Variants in UNKL observed in about 807,000 individuals in gnomAD.
The protein encoded by UNKL is putative E3 ubiquitin-protein ligase UNKL.
Under a neutral mutation model 78.0 loss-of-function variants are expected in UNKL, and 60 were observed. The ratio of observed to expected loss-of-function variants is 0.77; its 90% CI spans 0.63 to 0.95. The LOEUF is 0.95. Among genes scored for constraint, UNKL ranks in the 40% least tolerant of loss-of-function variants. The pLI, the probability that UNKL is intolerant of heterozygous loss-of-function variation, is 0.00. For missense variants in UNKL, 1,159 were observed against 1,045.7 expected, an observed-to-expected ratio of 1.11 and a Z score of -1.49; for synonymous variants, 608 against 474.8, an observed-to-expected ratio of 1.28 and a Z score of -3.65.
rs1596618964 is a variant in UNKL, at chr16:1,363,548, A to G, written c.*2692T>C. The G allele has an allele frequency of 4.1e-6, 1 of 244,440 alleles. No individual in the cohort carries two copies. The highest frequency in any genetic ancestry group is 1.2e-4 in the East Asian group (1 of 8,672). The allele number at this position is 244,440 out of a possible 1,614,324, so 15.1% of individuals were successfully genotyped here. A position where few individuals can be genotyped will look rare whatever the true frequency, so the allele number is the denominator to read the frequency against. ...AGAGTTACAGACGACAGGCAACAAGAACATGCAGAGCCGGCCGCCAGCCAG... is the reference window on the plus strand; with the variant it reads ...AGAGTTACAGACGACAGGCAACAAGGACATGCAGAGCCGGCCGCCAGCCAG... On this transcript the variant is annotated 3_prime_UTR_variant, in exon 15 of 15. Transcript: ENST00000389221.
At chr16:1,388,685 G>A (rs557000735) in intron 9 of UNKL, among the ~76,000 whole-genome samples, 3 of 152,242 alleles carry the variant, frequency 2.0e-5, no homozygotes, top group Admixed American at 2.0e-4. Flanking sequence ...GGCACAGTGA[G>A]AGGGGTCAGA....
intron 13 of UNKL, 84 bp downstream of exon 13, chr16:1,367,572 C>T: frequency 1.2e-6 from 1 of 800,176 alleles, no homozygotes; most frequent in South Asian, 1.8e-5. Flanking sequence ...CCCTCCCTCC[C>T]CTCCCATCTC....
intron 10 of UNKL, among the ~76,000 whole-genome samples, chr16:1,384,557 T>G (rs1232772302): frequency 7.0e-6 from 1 of 143,338 alleles, no homozygotes; most frequent in African/African-American, 2.5e-5. Flanking sequence ...CCCCACCCCA[T>G]CACTGTCCCC....
At position 1,363,428 on chromosome 16, in the gene UNKL, AATT is replaced by A; in HGVS notation, c.*2809_*2811del. The A allele has an allele frequency of 5.6e-6, 2 of 357,830 alleles. No individual in the cohort carries two copies. Among genetic ancestry groups the A allele is most frequent in the Non-Finnish European group, 1.1e-5 (2 of 185,152 alleles). The allele number at this position is 357,830 out of a possible 1,614,324, so 22.2% of individuals were successfully genotyped here. ...AAACATACAGATTGAGGCTTCCAGA[AATT>A]AATCCACTTGAGGCGTCCACGCGGA... On this transcript the variant is annotated 3_prime_UTR_variant, in exon 15 of 15. Transcript: ENST00000389221.
At chr16:1,375,563 C>G (rs755840591) in intron 10 of UNKL, among the ~76,000 whole-genome samples, 3 of 152,192 alleles carry the variant, frequency 2.0e-5, no homozygotes, top group Non-Finnish European at 4.4e-5. Context: ...GGACGGCACA[C>G]GGCGCATGCG....
intron 10 of UNKL, among the ~76,000 whole-genome samples, chr16:1,374,344 T>C (rs957673318): frequency 2.0e-5 from 3 of 152,178 alleles, no homozygotes; most frequent in African/African-American, 4.8e-5. Context: ...CCCTCACTGA[T>C]GCCTGGTACT....
In UNKL at chr16:1,364,399, A is replaced by G. The variant is rs187384593; in HGVS notation, c.*1841T>C. 5.6e-4 allele frequency: 85 copies of G among 152,332 alleles called. No homozygotes were observed. Among genetic ancestry groups the G allele is most frequent in the African/African-American group, 1.5e-3 (61 of 41,582 alleles). The allele number at this position is 152,332 out of a possible 1,614,324, so 9.4% of individuals were successfully genotyped here. A position where few individuals can be genotyped will look rare whatever the true frequency, so the allele number is the denominator to read the frequency against. Reference sequence around the variant, plus strand: ...TTTTGCACTTAAAAAATGCTATTAAAAGTCTTTGGCAAAGCCACGGTCGGG... The same window carrying G: ...TTTTGCACTTAAAAAATGCTATTAAGAGTCTTTGGCAAAGCCACGGTCGGG... On this transcript the variant is annotated 3_prime_UTR_variant, in exon 15 of 15. Coordinates refer to ENST00000389221, the MANE Select transcript of UNKL (RefSeq NM_001372107.1).
At chr16:1,384,332 C>G (rs1415094907) in intron 10 of UNKL, among the ~76,000 whole-genome samples, 1 of 152,012 alleles carries the variant, frequency 6.6e-6, no homozygotes, top group African/African-American at 2.4e-5. Context: ...GCTCCTGGCA[C>G]TGTCTTGCCC....
chr16:1,367,731 G>T lies in UNKL; in HGVS notation c.1713C>A (p.Ala571=), dbSNP rs891596398. The change falls in exon 13 of 15, where the codon GCC becomes GCA. Residue 571 remains alanine, a synonymous_variant. Coordinates refer to ENST00000389221, the MANE Select transcript of UNKL (RefSeq NM_001372107.1). Reference sequence around the variant, plus strand: ...CCTCGTCCAGCTGCCGCCTGACCCGGGCCAGCTCAGCTCCGTTTGGACTTG... The same window carrying T: ...CCTCGTCCAGCTGCCGCCTGACCCGTGCCAGCTCAGCTCCGTTTGGACTTG... ...SSASPNGAEL[A]RVRRQLDEAK... 24 of 1,578,654 alleles carry T rather than the reference G, an allele frequency of 1.5e-5. No homozygotes were observed. Among genetic ancestry groups the T allele is most frequent in the Non-Finnish European group, 2.0e-5 (23 of 1,163,212 alleles).
intron 4 of UNKL, among the ~76,000 whole-genome samples, chr16:1,400,473 G>A (rs1404174629): frequency 7.8e-6 from 1 of 127,982 alleles, no homozygotes; most frequent in East Asian, 2.4e-4. Context: ...CATACGCAAT[G>A]TCCAGAATAC....
At chr16:1,370,027 G>C in intron 12 of UNKL, 103 bp downstream of exon 12, 1 of 1,551,208 alleles carries the variant, frequency 6.4e-7, no homozygotes, top group African/African-American at 1.4e-5. Context: ...ACCACAGATA[G>C]GGCACAAGGT....
chr16:1,412,846 C>A (rs1405583493), intron 2 of UNKL, among the ~76,000 whole-genome samples: 3 of 151,478 alleles, frequency 2.0e-5, no homozygotes, highest in African/African-American at 7.3e-5. Context: ...TCGCTGTGCC[C>A]AGGAGGTTGA....
Position 1,390,708 on chromosome 16 carries a change from A to C in UNKL, c.1024-14T>G. The C allele has an allele frequency of 2.6e-6, 4 of 1,535,912 alleles. No individual in the cohort carries two copies. The highest frequency in any genetic ancestry group is 3.5e-6 in the Non-Finnish European group (4 of 1,146,828). ...TCTCCGCTTGGCCTGCAACATAAAAAACAGTCATATGTGGAAAAAGCAGGG... is the reference window on the plus strand; with the variant it reads ...TCTCCGCTTGGCCTGCAACATAAAACACAGTCATATGTGGAAAAAGCAGGG... On this transcript the variant is annotated splice_polypyrimidine_tract_variant and intron_variant, in intron 8 of 14. Transcript: ENST00000389221.
In UNKL at chr16:1,363,502, T is replaced by C. The variant is rs898155441; in HGVS notation, c.*2738A>G. On this transcript the variant is annotated 3_prime_UTR_variant, in exon 15 of 15. Transcript: ENST00000389221. ...TTACACACGTCGTGACACCACTGTA[T>C]CACGGCGAATGTCGAACACTAGAGT... 1.0e-5 allele frequency: 3 copies of C among 286,886 alleles called. No individual in the cohort carries two copies. Among genetic ancestry groups the C allele is most frequent in the South Asian group, 6.1e-5 (2 of 32,636 alleles). 17.8% of individuals were successfully genotyped at this position (286,886 alleles called of 1,614,324 possible). A position where few individuals can be genotyped will look rare whatever the true frequency, so the allele number is the denominator to read the frequency against.
rs558127490 is a variant in UNKL at position 1,381,342 on chromosome 16, G to A, written c.1264+3866C>T. On this transcript the variant is annotated intron_variant, in intron 10 of 14. Transcript: ENST00000389221. ...GTTTAAAAGAAAAAAATAAGTGACCGGGTGTGGTGGCTCACGCCTGTAATC... is the reference window on the plus strand; with the variant it reads ...GTTTAAAAGAAAAAAATAAGTGACCAGGTGTGGTGGCTCACGCCTGTAATC... 9.2e-5 allele frequency among the ~76,000 whole-genome samples: 14 copies of A among 152,340 alleles called. No individual in the cohort carries two copies. In the South Asian group the frequency reaches 2.5e-3, roughly 27 times the overall value.
intron 10 of UNKL, among the ~76,000 whole-genome samples, chr16:1,374,618 C>A (rs2036075436): frequency 6.6e-6 from 1 of 152,108 alleles, no homozygotes; most frequent in African/African-American, 2.4e-5. Context: ...GTCACTGCCC[C>A]ACCTACCCGA....
rs2038005130 is a variant in UNKL at position 1,410,764 on chromosome 16, G to C, written c.287+3082C>G. Among the ~76,000 whole-genome samples, 3 of 152,196 alleles carry C rather than the reference G, an allele frequency of 2.0e-5. No individual in the cohort carries two copies. In the South Asian group the frequency reaches 6.2e-4, roughly 31 times the overall value. On this transcript the variant is annotated intron_variant, in intron 2 of 14. Coordinates refer to ENST00000389221, the MANE Select transcript of UNKL (RefSeq NM_001372107.1). ...GGGGCTTGACCAAGGGAAATCAGGG[G>C]CTGAGCCCAGACATCAACTAGACAA...
At chr16:1,389,882 C>T (rs962635902) in intron 9 of UNKL, among the ~76,000 whole-genome samples, 3 of 152,210 alleles carry the variant, frequency 2.0e-5, no homozygotes, top group African/African-American at 7.2e-5. Flanking sequence ...TGGCTCACTG[C>T]AACCTCCACC....
chr16:1,370,778 C>T (rs556031036), intron 11 of UNKL, among the ~76,000 whole-genome samples: 4 of 152,110 alleles, frequency 2.6e-5, no homozygotes, highest in African/African-American at 7.2e-5. Context: ...ATGTTGTATA[C>T]GATGTTAAGA....
Sources: allele counts gnomAD v4.1 joint callset (sites outside exome capture counted in the v4.1 genomes callset), GRCh38; gene constraint gnomAD v4.1.1; transcripts MANE v1.5; gene names NCBI Gene and HGNC (gene_info 2026-07-23, HGNC 2026-07-21).